Variants in KCNMB2 observed in about 807,000 individuals in gnomAD.
KCNMB2 encodes potassium calcium-activated channel subfamily M regulatory beta subunit 2.
A neutral mutation model predicts 24.5 loss-of-function variants in KCNMB2; 9 were observed. That is an observed-to-expected ratio of 0.37 (90% confidence interval 0.22 to 0.64). The LOEUF is 0.64. Among genes scored for constraint, KCNMB2 ranks in the 30% least tolerant of loss-of-function variants. The pLI is 0.63. For missense variants in KCNMB2, 226 were observed against 284.3 expected, an observed-to-expected ratio of 0.79 and a Z score of 1.47; for synonymous variants, 109 against 104.4, an observed-to-expected ratio of 1.04 and a Z score of -0.27.
intron 1 of KCNMB2, among the ~76,000 whole-genome samples, chr3:178,728,813 A>G (rs1437783394): frequency 1.3e-5 from 2 of 152,154 alleles, no homozygotes; most frequent in African/African-American, 2.4e-5. Flanking sequence ...CTCACCCTCT[A>G]TTAAATTGAG....
chr3:178,830,877 ACT>A (rs891794872), intron 4 of KCNMB2, among the ~76,000 whole-genome samples: 1 of 151,868 alleles, frequency 6.6e-6, no homozygotes, highest in Admixed American at 6.6e-5. Flanking sequence ...TGGCCTTTTC[ACT>A]CTCTGAATGT....
intron 1 of KCNMB2, among the ~76,000 whole-genome samples, chr3:178,758,232 A>C (rs190116946): frequency 5.6e-4 from 13 of 23,180 alleles, no homozygotes; most frequent in Middle Eastern, 0.05. Flanking sequence ...ATATATATAT[A>C]TCCAAGGGGA....
intron 1 of KCNMB2, among the ~76,000 whole-genome samples, chr3:178,730,819 T>C (rs1355058687): frequency 6.6e-6 from 1 of 152,082 alleles, no homozygotes; most frequent in Non-Finnish European, 1.5e-5. Context: ...AATCTTCACA[T>C]GACAGGCACC....
chr3:178,729,636 C>T (rs142700572), intron 1 of KCNMB2, among the ~76,000 whole-genome samples: 11 of 152,294 alleles, frequency 7.2e-5, no homozygotes, highest in Middle Eastern at 6.8e-3. Flanking sequence ...AATAAATAGA[C>T]TAATAAAATG....
chr3:178,754,973 C>T (rs1723981010), intron 1 of KCNMB2, among the ~76,000 whole-genome samples: 1 of 152,204 alleles, frequency 6.6e-6, no homozygotes, highest in Non-Finnish European at 1.5e-5. Context: ...GCCTTGCAGC[C>T]GTCATTGGCA....
At chr3:178,780,397 C>G (rs1712780462) in intron 1 of KCNMB2, among the ~76,000 whole-genome samples, 1 of 152,212 alleles carries the variant, frequency 6.6e-6, no homozygotes. Flanking sequence ...ACCCCAACAC[C>G]ATGCCTCCCA....
intron 1 of KCNMB2, among the ~76,000 whole-genome samples, chr3:178,705,878 C>T (rs1577112809): frequency 6.6e-6 from 1 of 152,092 alleles, no homozygotes; most frequent in African/African-American, 2.4e-5. Context: ...AATAAAACCC[C>T]ATCTCCTTCA....
intron 1 of KCNMB2, among the ~76,000 whole-genome samples, chr3:178,613,436 CT>C (rs1353912820): frequency 1.3e-5 from 2 of 152,174 alleles, no homozygotes; most frequent in African/African-American, 2.4e-5. Context: ...AGGTTTGTAC[CT>C]TCAGGTGAGT....
chr3:178,629,685 G>A (rs1013780117), intron 1 of KCNMB2, among the ~76,000 whole-genome samples: 4 of 152,080 alleles, frequency 2.6e-5, no homozygotes, highest in African/African-American at 9.7e-5. Context: ...AGATCAATAA[G>A]ACAAACTCCT....
intron 1 of KCNMB2, among the ~76,000 whole-genome samples, chr3:178,620,353 G>T (rs1718864141): frequency 6.6e-6 from 1 of 152,060 alleles, no homozygotes; most frequent in South Asian, 2.1e-4. Flanking sequence ...TTATTTTTTA[G>T]AGAAAAAGTT....
intron 1 of KCNMB2, among the ~76,000 whole-genome samples, chr3:178,764,421 A>C (rs1376028713): frequency 6.6e-6 from 1 of 152,222 alleles, no homozygotes; most frequent in African/African-American, 2.4e-5. Flanking sequence ...TAAATATACA[A>C]ATACTTACCA....
chr3:178,699,009 C>A (rs1577107123), intron 1 of KCNMB2, among the ~76,000 whole-genome samples: 1 of 152,226 alleles, frequency 6.6e-6, no homozygotes, highest in Admixed American at 6.5e-5. Context: ...GGTGCAGCAG[C>A]TGCAGCAGAG....
At chr3:178,834,002 A>G (rs1229749937) in intron 4 of KCNMB2, among the ~76,000 whole-genome samples, 1 of 152,156 alleles carries the variant, frequency 6.6e-6, no homozygotes, top group Non-Finnish European at 1.5e-5. Context: ...GAATACCTCA[A>G]TGCCCATCTC....
chr3:178,659,068 T>C (rs971310310), intron 1 of KCNMB2, among the ~76,000 whole-genome samples: 1 of 152,242 alleles, frequency 6.6e-6, no homozygotes, highest in Non-Finnish European at 1.5e-5. Context: ...GCCTCTACTC[T>C]GGCTAAAGGA....
intron 1 of KCNMB2, among the ~76,000 whole-genome samples, chr3:178,802,769 T>C (rs1041796296): frequency 1.3e-5 from 2 of 152,174 alleles, no homozygotes; most frequent in African/African-American, 4.8e-5. Flanking sequence ...TATGTCTTTA[T>C]ATCTCAGAAT....
chr3:178,682,544 T>C (rs1721306514), intron 1 of KCNMB2, among the ~76,000 whole-genome samples: 2 of 152,180 alleles, frequency 1.3e-5, no homozygotes, highest in Non-Finnish European at 1.5e-5. Flanking sequence ...GACTTGTATA[T>C]GTAATTTTAA....
At position 178,842,841 on chromosome 3, in the gene KCNMB2, C is replaced by T; in HGVS notation, c.612C>T (p.Thr204=). The change falls in exon 5 of 5, where the codon ACC becomes ACT. Residue 204 remains threonine (T), a synonymous_variant. Transcript: ENST00000452583. ...NVLFHSLFWP[T]CMMAGGVAIV... is the part of the protein sequence containing the mutation. ...TGTTCCATTCACTCTTCTGGCCAACCTGTATGATGGCTGGGGGTGTGGCAA... is the reference window on the plus strand; with the variant it reads ...TGTTCCATTCACTCTTCTGGCCAACTTGTATGATGGCTGGGGGTGTGGCAA... The T allele has an allele frequency of 6.2e-7, 1 of 1,613,794 alleles. No homozygotes were observed. The highest frequency in any genetic ancestry group is 8.5e-7 in the Non-Finnish European group (1 of 1,179,718).
chr3:178,595,547 A>G (rs142109536), intron 1 of KCNMB2, among the ~76,000 whole-genome samples: 1 of 152,162 alleles, frequency 6.6e-6, no homozygotes, highest in African/African-American at 2.4e-5. Flanking sequence ...CAGTTCCCCC[A>G]TCTTGTTCTC....
chr3:178,680,363 T>TA (rs1398538015), intron 1 of KCNMB2, among the ~76,000 whole-genome samples: 1 of 152,196 alleles, frequency 6.6e-6, no homozygotes, highest in Non-Finnish European at 1.5e-5. Context: ...CAGCTACACT[T>TA]ACAGCTTCTA....
Sources: allele counts gnomAD v4.1 joint callset (sites outside exome capture counted in the v4.1 genomes callset), GRCh38; gene constraint gnomAD v4.1.1; transcripts MANE v1.5; gene names NCBI Gene and HGNC (gene_info 2026-07-23, HGNC 2026-07-21).